Variants in LRBA observed in about 807,000 individuals in gnomAD.
LRBA encodes LPS responsive beige-like anchor protein.
Under a neutral mutation model 330.0 loss-of-function variants are expected in LRBA, and 176 were observed. That is an observed-to-expected ratio of 0.53 (90% CI 0.47 to 0.60). LRBA has a LOEUF of 0.60. Among genes scored for constraint, LRBA ranks in the 20% least tolerant of loss-of-function variants. LRBA has a pLI of 0.00. For synonymous variants in LRBA, 1,230 were observed against 1,193.0 expected, an observed-to-expected ratio of 1.03 and a Z score of -0.64; for missense variants, 3,259 against 3,444.8, an observed-to-expected ratio of 0.95 and a Z score of 1.35.
intron 2 of LRBA, 33 bp downstream of exon 2, chr4:151,014,392 AAG>A: frequency 3.2e-6 from 5 of 1,543,746 alleles, no homozygotes; most frequent in Non-Finnish European, 4.5e-6. Flanking sequence ...ACCCACTGAA[AAG>A]AGTATATGCT....
chr4:151,004,140 G>A (rs559148328), intron 2 of LRBA, among the ~76,000 whole-genome samples: 1 of 152,198 alleles, frequency 6.6e-6, no homozygotes, highest in African/African-American at 2.4e-5. Flanking sequence ...CTGGGTTCAA[G>A]CAATTCTCTG....
At chr4:150,954,036 C>T (rs927360155) in intron 2 of LRBA, among the ~76,000 whole-genome samples, 1 of 109,282 alleles carries the variant, frequency 9.2e-6, no homozygotes, top group Non-Finnish European at 1.9e-5. Context: ...TGAGGAGCCT[C>T]TCCGCCCGGC....
chr4:151,000,713 G>A (rs1305694238), intron 2 of LRBA, among the ~76,000 whole-genome samples: 4 of 152,130 alleles, frequency 2.6e-5, no homozygotes, highest in East Asian at 1.9e-4. Context: ...AACTGTCAAG[G>A]GCTTCAAGAT....
At chr4:150,423,842 C>T (rs1489429125) in intron 46 of LRBA, among the ~76,000 whole-genome samples, 1 of 152,132 alleles carries the variant, frequency 6.6e-6, no homozygotes, top group African/African-American at 2.4e-5. Context: ...GAGTCCCCCC[C>T]ACCGCCCGAG....
At chr4:150,459,019 C>T (rs1754429941) in intron 44 of LRBA, among the ~76,000 whole-genome samples, 1 of 151,916 alleles carries the variant, frequency 6.6e-6, no homozygotes, top group Admixed American at 6.6e-5. Flanking sequence ...GAAGGGAAAT[C>T]AAGTGGGCTC....
intron 46 of LRBA, chr4:150,422,607 C>A: frequency 1.8e-6 from 1 of 569,940 alleles, no homozygotes; most frequent in South Asian, 1.9e-5. Context: ...ATCAGGTTCC[C>A]CAAGGGACAA....
intron 48 of LRBA, among the ~76,000 whole-genome samples, chr4:150,340,087 AAAG>A (rs895682104): frequency 6.6e-6 from 1 of 152,078 alleles, no homozygotes; most frequent in Non-Finnish European, 1.5e-5. Flanking sequence ...GCCGCCTTGC[AAAG>A]AAGGATATGT....
intron 40 of LRBA, among the ~76,000 whole-genome samples, chr4:150,539,375 C>A (rs1765068290): frequency 6.6e-6 from 1 of 152,140 alleles, no homozygotes; most frequent in Admixed American, 6.5e-5. Flanking sequence ...AAATTTTTTA[C>A]CCCAATTTCT....
At chr4:150,526,791 C>A (rs1273020513) in intron 40 of LRBA, among the ~76,000 whole-genome samples, 2 of 151,996 alleles carry the variant, frequency 1.3e-5, no homozygotes, top group African/African-American at 4.8e-5. Context: ...ATGAAGACTT[C>A]TATTTTTAAT....
At chr4:150,269,801 T>C (rs1404596288) in intron 56 of LRBA, among the ~76,000 whole-genome samples, 4 of 151,916 alleles carry the variant, frequency 2.6e-5, no homozygotes. Flanking sequence ...ATAAAAAAGC[T>C]GGGCATGGTG....
intron 24 of LRBA, 52 bp downstream of exon 24, chr4:150,850,671 GA>G (rs1279602238): frequency 1.7e-5 from 19 of 1,090,218 alleles, no homozygotes; most frequent in Non-Finnish European, 2.2e-5. Context: ...GGATTTCTTT[GA>G]AAATAAAGAC....
intron 56 of LRBA, among the ~76,000 whole-genome samples, chr4:150,268,059 CA>C (rs199767343): frequency 0.32 from 36,359 of 115,084 alleles, 4,429 homozygotes; most frequent in Non-Finnish European, 0.35. Flanking sequence ...GACTCCATCT[CA>C]AAAAAAAAAA....
intron 36 of LRBA, among the ~76,000 whole-genome samples, chr4:150,724,588 C>T (rs1175322471): frequency 6.6e-6 from 1 of 151,984 alleles, no homozygotes; most frequent in East Asian, 1.9e-4. Context: ...CTAAATAAGG[C>T]ACCAGGAACC....
intron 2 of LRBA, 50 bp downstream of exon 2, chr4:151,014,377 C>A: frequency 1.4e-6 from 2 of 1,471,984 alleles, no homozygotes; most frequent in Non-Finnish European, 1.9e-6. Context: ...AGATCTTGTT[C>A]CCCAACCCAC....
intron 43 of LRBA, among the ~76,000 whole-genome samples, chr4:150,468,677 T>C (rs1399601069): frequency 1.3e-5 from 2 of 152,074 alleles, no homozygotes; most frequent in African/African-American, 2.4e-5. Context: ...GAGACAAGTA[T>C]ATTAATATTG....
rs913220403 is a variant in LRBA at position 150,822,161 on chromosome 4, T to TA, written c.5172-4905dup. On this transcript the variant is annotated intron_variant, in intron 30 of 56. Transcript: ENST00000651943. ...ACTGTTAAATGAATACTAGACATGTTAAATTCTACAGAACATCCTGGAAAA... is the reference window on the plus strand; with the variant it reads ...ACTGTTAAATGAATACTAGACATGTTAAAATTCTACAGAACATCCTGGAAAA... 5.9e-5 allele frequency among the ~76,000 whole-genome samples: 9 copies of TA among 152,278 alleles called. No individual in the cohort carries two copies. In the East Asian group the frequency reaches 1.2e-3, roughly 20 times the overall value.
chr4:150,504,995 G>T (rs1354578504), intron 40 of LRBA, among the ~76,000 whole-genome samples: 2 of 152,166 alleles, frequency 1.3e-5, no homozygotes, highest in Non-Finnish European at 2.9e-5. Context: ...TTACATAATG[G>T]TAAAGGGATC....
intron 54 of LRBA, 120 bp from the exon 55 acceptor site, chr4:150,282,766 A>T (rs1747695055): frequency 7.3e-6 from 5 of 684,334 alleles, no homozygotes; most frequent in African/African-American, 1.8e-5. Context: ...GAAAGCCTTT[A>T]AAAAACTTCC....
At chr4:150,783,466 A>C (rs932752176) in intron 34 of LRBA, among the ~76,000 whole-genome samples, 2 of 152,226 alleles carry the variant, frequency 1.3e-5, no homozygotes, top group Non-Finnish European at 2.9e-5. Flanking sequence ...ATTTAACTTC[A>C]ATTTTGTAGT....
Sources: allele counts gnomAD v4.1 joint callset (sites outside exome capture counted in the v4.1 genomes callset), GRCh38; gene constraint gnomAD v4.1.1; transcripts MANE v1.5; gene names NCBI Gene and HGNC (gene_info 2026-07-23, HGNC 2026-07-21).